Variants in PODNL1 observed in about 807,000 individuals in gnomAD.
The protein encoded by PODNL1 is podocan like 1.
A neutral mutation model predicts 45.1 loss-of-function variants in PODNL1; 50 were observed. That is an observed-to-expected ratio of 1.11 (90% CI 0.88 to 1.40). The LOEUF is 1.40. Ranked by LOEUF, PODNL1 falls within the 40% of genes most tolerant of loss-of-function variation. PODNL1 has a pLI of 0.00. For synonymous variants in PODNL1, 406 were observed against 372.5 expected, an observed-to-expected ratio of 1.09 and a Z score of -1.04; for missense variants, 788 against 793.3, an observed-to-expected ratio of 0.99 and a Z score of 0.08.
chr19:13,933,112 G>T lies in PODNL1; in HGVS notation c.1111C>A (p.Leu371Met). 2.6e-6 allele frequency: 4 copies of T among 1,528,846 alleles called. No homozygotes were observed. Among genetic ancestry groups the T allele is most frequent in the Non-Finnish European group, 3.5e-6 (4 of 1,141,880 alleles). 94.7% of individuals were successfully genotyped at this position (1,528,846 alleles called of 1,614,324 possible). ...TCCGTCAGGCCCGGTGTGGCGACCA[G>T]GTCACGGGCACCCAGCGCGGCCACG... Reference protein sequence around the residue: ...NHVAALGARDLVATPGLTELN... With the variant: ...NHVAALGARDMVATPGLTELN... The change falls in exon 8 of 10, where the codon CTG (leucine) becomes ATG (methionine). Residue 371 changes from leucine to methionine, a missense_variant. By Grantham distance (15) the Leu-to-Met change is conservative (BLOSUM62 2). Transcript: ENST00000588872. The surrounding 1 kb of genome is among the most constrained non-coding windows in gnomAD (Gnocchi z 5.2).
At chr19:13,939,571 T>C (rs973680188), upstream of PODNL1, among the ~76,000 whole-genome samples, 1 of 151,788 alleles carries the variant, frequency 6.6e-6, no homozygotes, top group Non-Finnish European at 1.5e-5. Flanking sequence ...TGAGACCCTG[T>C]CTCTAAAAAT....
intron 1 of PODNL1, among the ~76,000 whole-genome samples, chr19:13,950,782 C>T (rs773977766): frequency 3.9e-5 from 6 of 152,026 alleles, no homozygotes; most frequent in Admixed American, 2.0e-4. Context: ...CAGTGGCTCA[C>T]GCCTGTAATC....
Position 13,934,266 on chromosome 19 carries a change from C to G in PODNL1, c.639G>C (p.Arg213=), listed in dbSNP as rs2145417273. ...LPPSLPPSLE[R]LHLQNNLISK... ...ACAGCAGGGCTACCTGCAGGTGGAG[C>G]CGCTCGAGTGAGGGCGGCAGGCTGG... Residue 213 remains arginine, a synonymous_variant, in exon 6 of 10, where the codon CGG becomes CGC. Transcript: ENST00000588872. 11 of 1,511,600 alleles carry G rather than the reference C, an allele frequency of 7.3e-6. No individual in the cohort carries two copies. Among genetic ancestry groups the G allele is most frequent in the Middle Eastern group, 2.2e-4 (1 of 4,452 alleles). The allele number at this position is 1,511,600 out of a possible 1,614,324, so 93.6% of individuals were successfully genotyped here.
chr19:13,947,085 A>G (rs895865411), intron 1 of PODNL1, among the ~76,000 whole-genome samples: 2 of 149,610 alleles, frequency 1.3e-5, no homozygotes, highest in African/African-American at 4.9e-5. Flanking sequence ...ACACCTTTAT[A>G]ATAATTGTTG....
chr19:13,937,903 G>T lies in PODNL1; in HGVS notation c.107C>A (p.Pro36His). The change falls in exon 2 of 10, where the codon CCC becomes CAC. Residue 36 changes from proline (P) to histidine (H), a missense_variant. Transcript: ENST00000588872. ...GGAGCAGCGCAGGGGACAGGCCCGG[G>T]GCAGGGGCTGCAAGCTCTCCCCCAG... ...PHLGESLQPL[P>H]RACPLRCSCP... 6.4e-7 allele frequency: 1 copy of T among 1,566,638 alleles called. No homozygotes were observed.
chr19:13,944,646 C>T (rs560520497), intron 1 of PODNL1, among the ~76,000 whole-genome samples: 1 of 151,980 alleles, frequency 6.6e-6, no homozygotes, highest in Non-Finnish European at 1.5e-5. Flanking sequence ...TTAATAGAGA[C>T]AGGTTTTGCC....
rs1490717950 is a variant in PODNL1 at position 13,933,060 on chromosome 19, G to A, written c.1163C>T (p.Ala388Val). Reference protein sequence around the residue: ...TELNLAYNRLASARVHHRAFR... With the variant: ...TELNLAYNRLVSARVHHRAFR... The stretch of plus-strand genomic sequence containing the variant: ...GGCCCGGTGGTGCACACGGGCGCTG[G>A]CCAGGCGGTTATAGGCCAGGTTAAG... The change falls in exon 8 of 10, where the codon GCC becomes GTC. Residue 388 changes from alanine to valine, a missense_variant. Physicochemically the swap from Ala to Val is moderately conservative, Grantham distance 64. Around this residue, in one of 3 missense-constraint regions of PODNL1, gnomAD observed 762 missense variants for 750.9 expected, o/e 1.01. Coordinates refer to ENST00000588872, the MANE Select transcript of PODNL1 (RefSeq NM_001370095.3). The surrounding 1 kb of genome is among the most constrained non-coding windows in gnomAD (Gnocchi z 5.2). 1.3e-6 allele frequency: 2 copies of A among 1,535,808 alleles called. No individual in the cohort carries two copies. Among genetic ancestry groups the A allele is most frequent in the Non-Finnish European group, 1.7e-6 (2 of 1,146,212 alleles).
Position 13,933,786 on chromosome 19 carries a change from G to A in PODNL1, c.767+92C>T, listed in dbSNP as rs1599426824. ...CAGCAGGCACTCAGTAAATGAGGCC[G>A]TGGCTTAGGAGCCAGTCAGGGAAGG... On this transcript the variant is annotated intron_variant, in intron 7 of 9. Coordinates refer to ENST00000588872, the MANE Select transcript of PODNL1 (RefSeq NM_001370095.3). This position sits in a 1 kb window ranked among gnomAD's most constrained non-coding sequence, Gnocchi z 5.2. 10 of 1,139,146 alleles carry A rather than the reference G, an allele frequency of 8.8e-6. No individual in the cohort carries two copies. Among genetic ancestry groups the A allele is most frequent in the East Asian group, 2.6e-5 (1 of 38,836 alleles). The allele number at this position is 1,139,146 out of a possible 1,614,324, so 70.6% of individuals were successfully genotyped here. A position where few individuals can be genotyped will look rare whatever the true frequency, so the allele number is the denominator to read the frequency against.
chr19:13,946,884 C>T (rs551832568), intron 1 of PODNL1, among the ~76,000 whole-genome samples: 1 of 151,630 alleles, frequency 6.6e-6, no homozygotes, highest in Non-Finnish European at 1.5e-5. Context: ...AACCCCTTCT[C>T]TACTAAAAAC....
intron 1 of PODNL1, among the ~76,000 whole-genome samples, chr19:13,943,741 C>T (rs1041550842): frequency 1.3e-5 from 2 of 151,920 alleles, no homozygotes; most frequent in Non-Finnish European, 2.9e-5. Flanking sequence ...GGATTACAGG[C>T]GTGAGCCACC....
intron 3 of PODNL1, 100 bp from the exon 4 acceptor site, chr19:13,936,144 G>A: frequency 8.7e-7 from 1 of 1,146,610 alleles, no homozygotes; most frequent in Non-Finnish European, 1.3e-6. Flanking sequence ...CGGGGAACTG[G>A]CAGAGGCTCC....
chr19:13,952,490 G>C, intron 1 of PODNL1: 9 of 1,248,670 alleles, frequency 7.2e-6, no homozygotes, highest in Non-Finnish European at 9.1e-6. Flanking sequence ...CGGTTGCTCC[G>C]GAAGTGGAGG....
chr19:13,949,123 C>A (rs540253663), intron 1 of PODNL1, among the ~76,000 whole-genome samples: 1 of 151,800 alleles, frequency 6.6e-6, no homozygotes, highest in Non-Finnish European at 1.5e-5. Flanking sequence ...TCAAGCCCAG[C>A]TAATTTTTGT....
intron 1 of PODNL1, chr19:13,952,698 A>C: frequency 1.3e-6 from 1 of 757,510 alleles, no homozygotes; most frequent in Non-Finnish European, 1.6e-6. Context: ...AGTAGGGACG[A>C]GGGAGGCGGA....
In PODNL1 at chr19:13,934,380, G is replaced by A; in HGVS notation, c.525C>T (p.Ser175=). 2 of 1,549,906 alleles carry A rather than the reference G, an allele frequency of 1.3e-6. No individual in the cohort carries two copies. The highest frequency in any genetic ancestry group is 1.7e-6 in the Non-Finnish European group (2 of 1,149,202). The change falls in exon 6 of 10, where the codon AGC becomes AGT. Residue 175 remains serine (S), a synonymous_variant. Coordinates refer to ENST00000588872, the MANE Select transcript of PODNL1 (RefSeq NM_001370095.3). ...RSVYLHNNQL[S]NAGLPPDAFR... is the part of the protein sequence containing the mutation. ...AGGCGTCGGGGGGCAGGCCAGCGTT[G>A]CTCAGCTGGTTGTTGTGGAGGTACA...
In PODNL1 at chr19:13,932,127, A is replaced by G; in HGVS notation, c.1426-15T>C. The G allele has an allele frequency of 8.1e-7, 1 of 1,234,316 alleles. No individual in the cohort carries two copies. The highest frequency in any genetic ancestry group is 3.2e-5 in the East Asian group (1 of 31,700). The allele number at this position is 1,234,316 out of a possible 1,614,324, so 76.5% of individuals were successfully genotyped here. Reference sequence around the variant, plus strand: ...AGGTCCAGCATCTGGGCAGGGGGTTATAGATGGCATCGTGGCAGCCCCAGG... The same window carrying G: ...AGGTCCAGCATCTGGGCAGGGGGTTGTAGATGGCATCGTGGCAGCCCCAGG... On this transcript the variant is annotated splice_polypyrimidine_tract_variant and intron_variant, in intron 8 of 9. Coordinates refer to ENST00000588872, the MANE Select transcript of PODNL1 (RefSeq NM_001370095.3).
intron 8 of PODNL1, 142 bp from the exon 9 acceptor site, chr19:13,932,254 A>C: frequency 9.0e-7 from 1 of 1,114,678 alleles, no homozygotes; most frequent in Non-Finnish European, 1.1e-6. Flanking sequence ...TGATTGCCAA[A>C]TTCCTCCCTT....
intron 1 of PODNL1, among the ~76,000 whole-genome samples, chr19:13,950,879 T>C (rs899833674): frequency 5.9e-5 from 9 of 151,876 alleles, no homozygotes; most frequent in Non-Finnish European, 5.9e-5. Context: ...ACCCTGTCTC[T>C]ACTAAAAATA....
At position 13,932,732 on chromosome 19, in the gene PODNL1, G is replaced by A. The variant is rs373284026; in HGVS notation, c.1425+66C>T. ...ACCAGCTAACTAGAATGTTTGGGACGTGGCAGGGCAGGCAGGGGGATGGAG... is the reference window on the plus strand; with the variant it reads ...ACCAGCTAACTAGAATGTTTGGGACATGGCAGGGCAGGCAGGGGGATGGAG... On this transcript the variant is annotated intron_variant, in intron 8 of 9. Coordinates refer to ENST00000588872, the MANE Select transcript of PODNL1 (RefSeq NM_001370095.3). 127 of 1,610,996 alleles carry A rather than the reference G, an allele frequency of 7.9e-5. 2 individuals carry two copies. In the South Asian group the frequency reaches 9.1e-4, roughly 12 times the overall value.
Sources: allele counts gnomAD v4.1 joint callset (sites outside exome capture counted in the v4.1 genomes callset), GRCh38; gene constraint gnomAD v4.1.1; regional missense constraint gnomAD v4.1.1; non-coding constraint Gnocchi (gnomAD v3.1); transcripts MANE v1.5; gene names NCBI Gene and HGNC (gene_info 2026-07-23, HGNC 2026-07-21).